The following KIAA2012 variants were observed in gnomAD, a reference collection of about 807,000 sequenced individuals.
KIAA2012 encodes KIAA2012, also known as uncharacterized protein KIAA2012.
KIAA2012 carries 125 observed loss-of-function variants against 150.6 expected under a neutral mutation model. The ratio of observed to expected loss-of-function variants is 0.83; its 90% CI spans 0.72 to 0.96. The LOEUF is 0.96. Among genes scored for constraint, KIAA2012 ranks in the 40% least tolerant of loss-of-function variants. The pLI is 0.00. For missense variants in KIAA2012, 1,219 were observed against 1,354.9 expected (o/e 0.90, Z 1.57); for synonymous variants, 462 against 504.7 (o/e 0.92, Z 1.13).
chr2:202,158,052 T>C lies in KIAA2012; in HGVS notation c.2046+3242T>C, dbSNP rs545522045. On this transcript the variant is annotated intron_variant, in intron 14 of 23. Coordinates refer to ENST00000498697, the MANE Select transcript of KIAA2012 (RefSeq NM_001277372.4). ...CTCTGTCACTCAGGCTGGAGTGCAG[T>C]GGCACGATCTTGGCTCACTGCAAGC... 6.6e-5 allele frequency among the ~76,000 whole-genome samples: 10 copies of C among 152,118 alleles called. No individual in the cohort carries two copies. In the East Asian group the frequency reaches 1.9e-3, roughly 29 times the overall value.
intron 4 of KIAA2012, among the ~76,000 whole-genome samples, chr2:202,095,356 A>G (rs892712289): frequency 1.3e-5 from 2 of 152,194 alleles, no homozygotes; most frequent in African/African-American, 4.8e-5. Context: ...TGCAAATCCC[A>G]GGTCTCCAAT....
chr2:202,082,346 C>T (rs1689469149), intron 2 of KIAA2012, among the ~76,000 whole-genome samples: 1 of 151,956 alleles, frequency 6.6e-6, no homozygotes, highest in African/African-American at 2.4e-5. Flanking sequence ...CAGACTGAGA[C>T]CCTGTCTCTG....
Position 202,104,509 on chromosome 2 carries a change from G to A in KIAA2012, c.1325-1252G>A, listed in dbSNP as rs1690131039. On this transcript the variant is annotated intron_variant, in intron 8 of 23. Coordinates refer to ENST00000498697, the MANE Select transcript of KIAA2012 (RefSeq NM_001277372.4). This position sits in a 1 kb window ranked among gnomAD's most constrained non-coding sequence, Gnocchi z 4.3. ...GGGAGCACAGGCAAGAGGCTGTATT[G>A]TGGTTTTCACAGAAGGAATATGGGC... Among the ~76,000 whole-genome samples the A allele has an allele frequency of 6.6e-6, 1 of 152,214 alleles. No individual in the cohort carries two copies. Among genetic ancestry groups the A allele is most frequent in the Admixed American group, 6.5e-5 (1 of 15,290 alleles).
intron 10 of KIAA2012, among the ~76,000 whole-genome samples, chr2:202,110,145 A>T (rs1375181989): frequency 6.6e-6 from 1 of 152,186 alleles, no homozygotes; most frequent in Non-Finnish European, 1.5e-5. Flanking sequence ...CTGAGGCAAG[A>T]GAGCCCGATG....
At chr2:202,160,881 G>C (rs1011310482) in intron 14 of KIAA2012, among the ~76,000 whole-genome samples, 1 of 152,054 alleles carries the variant, frequency 6.6e-6, no homozygotes, top group African/African-American at 2.4e-5. Flanking sequence ...TTCTATGATA[G>C]GTCATGCAGC....
chr2:202,139,761 C>A (rs749142348), intron 13 of KIAA2012, among the ~76,000 whole-genome samples: 1 of 152,158 alleles, frequency 6.6e-6, no homozygotes, highest in South Asian at 2.1e-4. Context: ...ATCCCATTTA[C>A]GGGATCTAGA....
chr2:202,163,120 T>C (rs1691691597), intron 14 of KIAA2012, among the ~76,000 whole-genome samples: 2 of 150,528 alleles, frequency 1.3e-5, no homozygotes, highest in South Asian at 4.3e-4. Flanking sequence ...TTTTTTTTTT[T>C]CAAGATGAAG....
chr2:202,143,657 CG>C (rs1691245015), intron 13 of KIAA2012, among the ~76,000 whole-genome samples: 1 of 151,228 alleles, frequency 6.6e-6, no homozygotes, highest in African/African-American at 2.4e-5. Context: ...AAAATAATCT[CG>C]GACTCAGTGT....
intron 14 of KIAA2012, among the ~76,000 whole-genome samples, chr2:202,157,744 C>A (rs1434212295): frequency 6.6e-6 from 1 of 152,164 alleles, no homozygotes; most frequent in Non-Finnish European, 1.5e-5. Flanking sequence ...AGTTCCAGTG[C>A]CTATGCTCAA....
At chr2:202,113,522 T>C in intron 11 of KIAA2012, 76 bp downstream of exon 11, 1 of 1,024,554 alleles carries the variant, frequency 9.8e-7, no homozygotes, top group East Asian at 2.6e-5. Flanking sequence ...CTTCCAAATT[T>C]TCCCAGCAGC....
intron 2 of KIAA2012, among the ~76,000 whole-genome samples, chr2:202,088,753 T>G (rs1689644257): frequency 6.6e-6 from 1 of 152,222 alleles, no homozygotes; most frequent in Admixed American, 6.5e-5. Flanking sequence ...GGGCTGAGAT[T>G]GGAACTATTT....
chr2:202,086,537 C>A (rs2105912528), intron 2 of KIAA2012, among the ~76,000 whole-genome samples: 1 of 152,300 alleles, frequency 6.6e-6, no homozygotes, highest in Middle Eastern at 3.4e-3. Context: ...TTCTTTCTTT[C>A]ACGTCCTCTG....
At chr2:202,174,690 A>G (rs1365687381) in intron 15 of KIAA2012, among the ~76,000 whole-genome samples, 3 of 152,292 alleles carry the variant, frequency 2.0e-5, no homozygotes, top group Non-Finnish European at 4.4e-5. Flanking sequence ...GTTCACCTGT[A>G]TCTCCAACTC....
chr2:202,111,153 A>G (rs1254651792), intron 10 of KIAA2012, among the ~76,000 whole-genome samples: 1 of 152,072 alleles, frequency 6.6e-6, no homozygotes, highest in Non-Finnish European at 1.5e-5. Flanking sequence ...CAGCAAATGG[A>G]TACTCAGGCC....
intron 12 of KIAA2012, chr2:202,136,185 C>G (rs1051400359): frequency 1.0e-5 from 2 of 196,348 alleles, no homozygotes; most frequent in African/African-American, 4.7e-5. Context: ...AGGAGTGAAG[C>G]TGCAGACCTT....
At chr2:202,169,311 C>T (rs189256057) in intron 15 of KIAA2012, among the ~76,000 whole-genome samples, 2 of 152,326 alleles carry the variant, frequency 1.3e-5, no homozygotes, top group African/African-American at 2.4e-5. Context: ...CTCAAGGCCT[C>T]ACAGTGAAGA....
chr2:202,194,510 T>TCA, intron 21 of KIAA2012, 148 bp downstream of exon 21: 1 of 624,830 alleles, frequency 1.6e-6, no homozygotes, highest in Admixed American at 4.9e-5. Flanking sequence ...AGTGATTATG[T>TCA]ATGACTATAA....
intron 23 of KIAA2012, 111 bp downstream of exon 23, chr2:202,202,698 C>CG: frequency 5.1e-6 from 2 of 390,324 alleles, no homozygotes; most frequent in Non-Finnish European, 9.0e-6. Context: ...GAGGCTGAGG[C>CG]GGGAGGCTTG....
chr2:202,191,553 CAA>C (rs11306656), intron 19 of KIAA2012, among the ~76,000 whole-genome samples: 23 of 143,880 alleles, frequency 1.6e-4, no homozygotes, highest in East Asian at 4.0e-4. Flanking sequence ...TATCTCTAAC[CAA>C]AAAAAAAAAG....
Sources: gnomAD v4.1 joint callset for allele counts (sites outside exome capture counted in the v4.1 genomes callset) on GRCh38, gnomAD v4.1.1 for gene constraint, Gnocchi (gnomAD v3.1) non-coding constraint, MANE v1.5 for transcripts, NCBI Gene and HGNC (gene_info 2026-07-23, HGNC 2026-07-21) for gene names.